The following DOCK1 variants were observed in gnomAD, a reference collection of about 807,000 sequenced individuals.
DOCK1 encodes dedicator of cytokinesis protein 1.
Under a neutral mutation model 262.7 loss-of-function variants are expected in DOCK1, and 138 were observed. That is an observed-to-expected ratio of 0.53 (90% CI 0.46 to 0.61). The LOEUF (loss-of-function observed/expected upper bound fraction) is 0.61. Among genes scored for constraint, DOCK1 ranks in the 20% least tolerant of loss-of-function variants. The probability of loss-of-function intolerance (pLI) is 0.00; values close to 1 mark genes in which losing one functional copy is unlikely to be tolerated. For missense variants in DOCK1, 1,908 were observed against 2,370.7 expected, an observed-to-expected ratio of 0.80 and a Z score of 4.05; for synonymous variants, 866 against 867.4, an observed-to-expected ratio of 1.00 and a Z score of 0.03.
chr10:127,153,133 C>G (rs2052672146), intron 27 of DOCK1, among the ~76,000 whole-genome samples: 2 of 152,160 alleles, frequency 1.3e-5, no homozygotes, highest in Non-Finnish European at 2.9e-5. Flanking sequence ...AAAGAACTTA[C>G]TCATAACATT....
chr10:127,331,864 G>A (rs1036624926), intron 29 of DOCK1, among the ~76,000 whole-genome samples: 11 of 152,176 alleles, frequency 7.2e-5, no homozygotes, highest in African/African-American at 2.7e-4. Context: ...AAAATATTGT[G>A]TGATTCATAC....
intron 27 of DOCK1, among the ~76,000 whole-genome samples, chr10:127,200,409 T>C (rs1027191759): frequency 2.0e-5 from 3 of 152,212 alleles, no homozygotes; most frequent in African/African-American, 7.2e-5. Context: ...ATCGATATTA[T>C]CTGTTTTCGT....
chr10:127,444,320 C>T (rs1448259646), intron 50 of DOCK1, 41 bp downstream of exon 50: 1 of 1,540,524 alleles, frequency 6.5e-7, no homozygotes, highest in Non-Finnish European at 8.7e-7. Flanking sequence ...TGCTATAGCT[C>T]CGTGACTTCC....
chr10:127,362,356 C>A, intron 33 of DOCK1, 144 bp downstream of exon 33: 1 of 1,012,752 alleles, frequency 9.9e-7, no homozygotes, highest in African/African-American at 1.6e-5. Flanking sequence ...GAGAAAAAGC[C>A]TATGATTTTC....
intron 29 of DOCK1, among the ~76,000 whole-genome samples, chr10:127,259,029 G>A (rs1412349147): frequency 3.9e-5 from 6 of 152,110 alleles, no homozygotes; most frequent in South Asian, 2.1e-4. Context: ...AAACCTCCCC[G>A]AGGGGTAAGC....
rs74721427 is a variant in DOCK1 at position 127,130,065 on chromosome 10, C to CTTTTTTTTTT, written c.2847+2323_2847+2332dup. On this transcript the variant is annotated intron_variant, in intron 27 of 51. Transcript: ENST00000623213. The stretch of plus-strand genomic sequence containing the variant: ...CAATCCTGCCTCCAGTTAGGGTCTT[C>CTTTTTTTTTT]TTTTTTTTTTTTTTTTTTTTTTTTT... Among the ~76,000 whole-genome samples the CTTTTTTTTTT allele has an allele frequency of 9.4e-4, 111 of 117,512 alleles. 6 individuals carry two copies. The highest frequency in any genetic ancestry group is 4.4e-3 in the Middle Eastern group (1 of 226). 77.1% of individuals were successfully genotyped at this position (117,512 alleles called of 152,430 possible).
At chr10:127,350,669 C>T (rs553723126) in intron 31 of DOCK1, among the ~76,000 whole-genome samples, 2 of 152,294 alleles carry the variant, frequency 1.3e-5, no homozygotes, top group South Asian at 2.1e-4. Flanking sequence ...CTACCATGCT[C>T]ATAGCCCACT....
rs146143414 is a variant in DOCK1 at position 126,984,195 on chromosome 10, C to T, written c.227+2222C>T. ...GATCTGTCTCTGTGGGTGATGCTCA[C>T]ATCGGGACCACCAGCCCTGATTTGT... On this transcript the variant is annotated intron_variant, in intron 4 of 51. Transcript: ENST00000623213. Among the ~76,000 whole-genome samples, 184 of 152,308 alleles carry T rather than the reference C, an allele frequency of 1.2e-3. 1 individual carries two copies. The highest frequency in any genetic ancestry group is 4.2e-3 in the African/African-American group (176 of 41,572).
chr10:127,099,650 A>G (rs1444921373), intron 23 of DOCK1, among the ~76,000 whole-genome samples: 1 of 152,098 alleles, frequency 6.6e-6, no homozygotes, highest in Non-Finnish European at 1.5e-5. Flanking sequence ...ACGTGAACTA[A>G]TAGAGCGGGA....
intron 27 of DOCK1, among the ~76,000 whole-genome samples, chr10:127,173,378 A>G (rs1018279271): frequency 6.6e-6 from 1 of 152,194 alleles, no homozygotes; most frequent in African/African-American, 2.4e-5. Flanking sequence ...ACACTGCTAG[A>G]TGGATGGCAT....
In DOCK1 at chr10:127,362,119, A is replaced by G. The variant is rs752136481; in HGVS notation, c.3339A>G (p.Thr1113=). ...PEMVGPILEM[T]LIPETELRKA... ...TGGTGGGCCCAATATTAGAAATGACATTAATTCCCGAGACGGAGCTGCGCA... is the reference window on the plus strand; with the variant it reads ...TGGTGGGCCCAATATTAGAAATGACGTTAATTCCCGAGACGGAGCTGCGCA... Residue 1113 remains threonine (T), a synonymous_variant, in exon 33 of 52, where the codon ACA becomes ACG. Coordinates refer to ENST00000623213, the MANE Select transcript of DOCK1 (RefSeq NM_001290223.2). The G allele has an allele frequency of 3.7e-6, 6 of 1,613,726 alleles. No homozygotes were observed. The African/African-American group carries it at 4.0e-5, about 11-fold the overall frequency.
chr10:127,031,888 T>C, intron 17 of DOCK1, 135 bp downstream of exon 17: 1 of 915,140 alleles, frequency 1.1e-6, no homozygotes, highest in Non-Finnish European at 1.7e-6. Flanking sequence ...CAAATGAACA[T>C]TTCCAATGAC....
intron 43 of DOCK1, among the ~76,000 whole-genome samples, chr10:127,414,645 A>G (rs189538403): frequency 3.6e-4 from 55 of 152,318 alleles, no homozygotes; most frequent in Non-Finnish European, 1.0e-4. Flanking sequence ...GTTCTCATAT[A>G]AACATATATT....
At chr10:127,207,576 A>T (rs1201720140) in intron 27 of DOCK1, among the ~76,000 whole-genome samples, 1 of 152,206 alleles carries the variant, frequency 6.6e-6, no homozygotes, top group Non-Finnish European at 1.5e-5. Context: ...CTCACATTTT[A>T]GGATTGTCTT....
chr10:127,322,617 G>A (rs930221929), intron 29 of DOCK1, among the ~76,000 whole-genome samples: 1 of 152,100 alleles, frequency 6.6e-6, no homozygotes, highest in Admixed American at 6.5e-5. Context: ...GTTTTTAAAG[G>A]ATTGAAAAAA....
At chr10:127,258,203 T>C (rs1465033359) in intron 29 of DOCK1, among the ~76,000 whole-genome samples, 1 of 152,190 alleles carries the variant, frequency 6.6e-6, no homozygotes, top group Non-Finnish European at 1.5e-5. Flanking sequence ...ATGCATATAC[T>C]GTGGACTCCA....
At chr10:127,060,982 A>G (rs1727916920) in intron 22 of DOCK1, among the ~76,000 whole-genome samples, 1 of 152,208 alleles carries the variant, frequency 6.6e-6, no homozygotes, top group African/African-American at 2.4e-5. Flanking sequence ...TAATCCCAGC[A>G]CTTTGGGAGG....
intron 47 of DOCK1, among the ~76,000 whole-genome samples, chr10:127,429,767 C>G (rs926287818): frequency 6.6e-6 from 1 of 152,160 alleles, no homozygotes; most frequent in Admixed American, 6.5e-5. Flanking sequence ...GGGATGAGCC[C>G]GTGAGCACCT....
intron 1 of DOCK1, among the ~76,000 whole-genome samples, chr10:126,935,911 T>C (rs2034530143): frequency 2.0e-5 from 3 of 152,242 alleles, no homozygotes; most frequent in African/African-American, 7.2e-5. Context: ...GTAAACTGCA[T>C]GAACTTTTTA....
Sources: gnomAD v4.1 joint callset for allele counts (sites outside exome capture counted in the v4.1 genomes callset) on GRCh38, gnomAD v4.1.1 for gene constraint, MANE v1.5 for transcripts, NCBI Gene and HGNC (gene_info 2026-07-23, HGNC 2026-07-21) for gene names.